MXD1: variants seen among roughly 807,000 people sequenced by gnomAD.
MXD1 encodes MAX dimerization protein 1, also known as MAX-binding protein.
MXD1 carries 9 observed loss-of-function variants against 25.7 expected under a neutral mutation model. The observed-to-expected ratio is 0.35, with a 90% CI of 0.21 to 0.61. MXD1 has a LOEUF of 0.61. MXD1 is among the 20% of genes least tolerant of loss of function. The pLI is 0.75. For synonymous variants in MXD1, 99 were observed against 113.9 expected (o/e 0.87, Z 0.83); for missense variants, 227 against 292.4 (o/e 0.78, Z 1.63).
chr2:69,936,136 G>A (rs758562738), intron 4 of MXD1, among the ~76,000 whole-genome samples: 3 of 151,888 alleles, frequency 2.0e-5, no homozygotes, highest in Non-Finnish European at 1.5e-5. Context: ...TCACCTAGAG[G>A]ACTTCTACTT....
intron 3 of MXD1, among the ~76,000 whole-genome samples, chr2:69,926,432 G>A (rs1677173194): frequency 6.6e-6 from 1 of 151,712 alleles, no homozygotes; most frequent in East Asian, 1.9e-4. Context: ...AAATTCTTTG[G>A]GGAGTTTAAA....
At chr2:69,937,749 G>T (rs1677489288) in intron 5 of MXD1, among the ~76,000 whole-genome samples, 1 of 152,162 alleles carries the variant, frequency 6.6e-6, no homozygotes, top group African/African-American at 2.4e-5. Flanking sequence ...CAAGCAGCTG[G>T]GATTACAGGC....
Position 69,938,392 on chromosome 2 carries a change from A to G in MXD1, c.*108A>G. On this transcript the variant is annotated 3_prime_UTR_variant, in exon 6 of 6. Coordinates refer to ENST00000264444, the MANE Select transcript of MXD1 (RefSeq NM_002357.4). ...CCTTGCACGTAAACTTCAGTGTCCC[A>G]CCTTGACCAAAATCAGCTTTGTAAC... 2 of 1,169,076 alleles carry G rather than the reference A, an allele frequency of 1.7e-6. No individual in the cohort carries two copies. The highest frequency in any genetic ancestry group is 2.4e-6 in the Non-Finnish European group (2 of 821,326). The allele number at this position is 1,169,076 out of a possible 1,614,324, so 72.4% of individuals were successfully genotyped here. A position where few individuals can be genotyped will look rare whatever the true frequency, so the allele number is the denominator to read the frequency against.
intron 3 of MXD1, among the ~76,000 whole-genome samples, chr2:69,930,256 G>T (rs531970475): frequency 1.6e-3 from 236 of 152,146 alleles, no homozygotes; most frequent in Middle Eastern, 0.014. Context: ...CTTTCTTCTT[G>T]CTATTGCACA....
intron 3 of MXD1, among the ~76,000 whole-genome samples, chr2:69,924,116 G>C (rs535046904): frequency 6.6e-6 from 1 of 152,282 alleles, no homozygotes; most frequent in South Asian, 2.1e-4. Context: ...GTTCATAGTA[G>C]GGTATTAAAT....
intron 3 of MXD1, among the ~76,000 whole-genome samples, chr2:69,925,611 T>C (rs1024280446): frequency 6.6e-6 from 1 of 152,214 alleles, no homozygotes; most frequent in Non-Finnish European, 1.5e-5. Flanking sequence ...TTTCCAGTTA[T>C]AAACATTTTC....
At chr2:69,923,082 A>AC (rs1184825204) in intron 3 of MXD1, among the ~76,000 whole-genome samples, 5 of 151,290 alleles carry the variant, frequency 3.3e-5, no homozygotes, top group African/African-American at 9.7e-5. Context: ...AACAACAACA[A>AC]AAAAAAAACC....
chr2:69,917,102 T>A (rs1243432484), intron 2 of MXD1, among the ~76,000 whole-genome samples: 2 of 152,190 alleles, frequency 1.3e-5, no homozygotes, highest in African/African-American at 4.8e-5. Flanking sequence ...AGAATCCTTA[T>A]CCCTCCCTCA....
rs1227930801 is a variant in MXD1 at position 69,939,403 on chromosome 2, T to G, written c.*1119T>G. ...TGGGTTGATAGTTTAAAAGGCTGAT[T>G]TTTCTTTTTGGTTATGATTTCTCCC... On this transcript the variant is annotated 3_prime_UTR_variant, in exon 6 of 6. Coordinates refer to ENST00000264444, the MANE Select transcript of MXD1 (RefSeq NM_002357.4). 6.6e-6 allele frequency: 1 copy of G among 152,648 alleles called. No individual in the cohort carries two copies. Among genetic ancestry groups the G allele is most frequent in the Non-Finnish European group, 1.5e-5 (1 of 68,032 alleles). The allele number at this position is 152,648 out of a possible 1,614,324, so 9.5% of individuals were successfully genotyped here.
intron 4 of MXD1, among the ~76,000 whole-genome samples, chr2:69,936,046 C>T (rs1459880257): frequency 6.6e-6 from 1 of 152,046 alleles, no homozygotes; most frequent in African/African-American, 2.4e-5. Context: ...TCTTCCAGTC[C>T]CTGGCACTGT....
chr2:69,921,093 A>G (rs1377957671), intron 2 of MXD1, among the ~76,000 whole-genome samples: 3 of 152,210 alleles, frequency 2.0e-5, no homozygotes, highest in Non-Finnish European at 4.4e-5. Flanking sequence ...ATTCCACAGT[A>G]TATCAGTGGC....
rs1411112575 is a variant in MXD1, at chr2:69,939,574, GGTTTT to G, written c.*1291_*1295del. The G allele has an allele frequency of 1.3e-5, 2 of 152,424 alleles. No homozygotes were observed. Among genetic ancestry groups the G allele is most frequent in the Non-Finnish European group, 2.9e-5 (2 of 68,006 alleles). 9.4% of individuals were successfully genotyped at this position (152,424 alleles called of 1,614,324 possible). ...GGAAAACAAATTCTTATGACTTTGT[GGTTTT>G]ATAGATGTTCTAGAAACTTTGTATG... On this transcript the variant is annotated 3_prime_UTR_variant, in exon 6 of 6. Transcript: ENST00000264444.
rs1677511362 is a variant in MXD1, at chr2:69,938,407, A to C, written c.*123A>C. 1.0e-5 allele frequency: 10 copies of C among 994,878 alleles called. No homozygotes were observed. Among genetic ancestry groups the C allele is most frequent in the Non-Finnish European group, 1.5e-5 (10 of 670,030 alleles). The allele number at this position is 994,878 out of a possible 1,614,324, so 61.6% of individuals were successfully genotyped here. A position where few individuals can be genotyped will look rare whatever the true frequency, so the allele number is the denominator to read the frequency against. ...TCAGTGTCCCACCTTGACCAAAATC[A>C]GCTTTGTAACTGTTTTCAAGGAGGT... On this transcript the variant is annotated 3_prime_UTR_variant, in exon 6 of 6. Transcript: ENST00000264444.
intron 3 of MXD1, among the ~76,000 whole-genome samples, chr2:69,930,710 G>A (rs1020277146): frequency 6.6e-6 from 1 of 152,200 alleles, no homozygotes; most frequent in Non-Finnish European, 1.5e-5. Context: ...ACATTTTTGA[G>A]TTCCCTATTG....
chr2:69,940,887 T>C lies in MXD1; in HGVS notation c.*2603T>C, dbSNP rs1015838986. On this transcript the variant is annotated 3_prime_UTR_variant, in exon 6 of 6. Transcript: ENST00000264444. ...CCCCAACCCCATCCTCCGCGCCCCG[T>C]GCGGCTGATCGGCAGCCCTGATTCG... The C allele has an allele frequency of 1.9e-4, 29 of 152,678 alleles. No homozygotes were observed. The highest frequency in any genetic ancestry group is 6.8e-4 in the African/African-American group (28 of 41,460). 9.5% of individuals were successfully genotyped at this position (152,678 alleles called of 1,614,324 possible).
At position 69,929,134 on chromosome 2, in the gene MXD1, C is replaced by G. The variant is rs139280697; in HGVS notation, c.204-6217C>G. ...TCTCAAACTCCTGGCCTCAAGTGAT[C>G]CACCCTCCTCGGCCTCCGAAAGTGC... On this transcript the variant is annotated intron_variant, in intron 3 of 5. Coordinates refer to ENST00000264444, the MANE Select transcript of MXD1 (RefSeq NM_002357.4). 3.5e-3 allele frequency among the ~76,000 whole-genome samples: 537 copies of G among 152,298 alleles called. 4 individuals carry two copies. The highest frequency in any genetic ancestry group is 0.013 in the African/African-American group (521 of 41,546).
Position 69,927,581 on chromosome 2 carries a change from G to C in MXD1, c.203+5816G>C, listed in dbSNP as rs1677195540. ...TTTCCAGTCTCCTACCTGGGACCCTGGGGCTATTCCCTTACTTTTTGTCAT... is the reference window on the plus strand; with the variant it reads ...TTTCCAGTCTCCTACCTGGGACCCTCGGGCTATTCCCTTACTTTTTGTCAT... On this transcript the variant is annotated intron_variant, in intron 3 of 5. Coordinates refer to ENST00000264444, the MANE Select transcript of MXD1 (RefSeq NM_002357.4). 2.0e-5 allele frequency among the ~76,000 whole-genome samples: 3 copies of C among 152,302 alleles called. No homozygotes were observed. In the South Asian group the frequency reaches 6.2e-4, roughly 32 times the overall value.
chr2:69,916,365 C>G, intron 2 of MXD1, 145 bp downstream of exon 2: 1 of 523,256 alleles, frequency 1.9e-6, no homozygotes, highest in South Asian at 3.0e-5. Context: ...TGGACTTAAG[C>G]CATTGCAGGA....
rs1249301533 is a variant in MXD1, at chr2:69,940,726, G to A, written c.*2442G>A. Reference sequence around the variant, plus strand: ...AGATCTCTATATTTTTAATGCACTTGTGATAAACTGGCAGCAGGGTTAGAC... The same window carrying A: ...AGATCTCTATATTTTTAATGCACTTATGATAAACTGGCAGCAGGGTTAGAC... On this transcript the variant is annotated 3_prime_UTR_variant, in exon 6 of 6. Coordinates refer to ENST00000264444, the MANE Select transcript of MXD1 (RefSeq NM_002357.4). The A allele has an allele frequency of 6.6e-6, 1 of 152,618 alleles. No individual in the cohort carries two copies. Among genetic ancestry groups the A allele is most frequent in the African/African-American group, 2.4e-5 (1 of 41,434 alleles). 9.5% of individuals were successfully genotyped at this position (152,618 alleles called of 1,614,324 possible). A position where few individuals can be genotyped will look rare whatever the true frequency, so the allele number is the denominator to read the frequency against.
Sources: allele counts gnomAD v4.1 joint callset (sites outside exome capture counted in the v4.1 genomes callset), GRCh38; gene constraint gnomAD v4.1.1; transcripts MANE v1.5; gene names NCBI Gene and HGNC (gene_info 2026-07-23, HGNC 2026-07-21).